The following CCSER1 variants were observed in gnomAD, a reference collection of about 807,000 sequenced individuals.
The protein encoded by CCSER1 is coiled-coil serine rich protein 1.
Under a neutral mutation model 82.0 loss-of-function variants are expected in CCSER1, and 41 were observed. That is an observed-to-expected ratio of 0.50 (90% CI 0.39 to 0.65). CCSER1 has a LOEUF of 0.65. CCSER1 is among the 30% of genes least tolerant of loss of function. CCSER1 has a pLI of 0.00. For synonymous variants in CCSER1, 414 were observed against 383.9 expected (o/e 1.08, Z -0.92); for missense variants, 1,119 against 1,064.2 (o/e 1.05, Z -0.72).
At chr4:91,027,585 A>G (rs1376033459) in intron 9 of CCSER1, among the ~76,000 whole-genome samples, 3 of 152,156 alleles carry the variant, frequency 2.0e-5, no homozygotes, top group African/African-American at 7.2e-5. Context: ...GCTACCTGTC[A>G]TTCTCACAGC....
intron 9 of CCSER1, among the ~76,000 whole-genome samples, chr4:90,931,069 T>G (rs1729746499): frequency 6.7e-6 from 1 of 149,600 alleles, no homozygotes; most frequent in African/African-American, 2.4e-5. Context: ...TCTTGGAATA[T>G]ATATTATATC....
At chr4:90,524,702 C>A (rs1773538742) in intron 5 of CCSER1, among the ~76,000 whole-genome samples, 1 of 152,114 alleles carries the variant, frequency 6.6e-6, no homozygotes. Flanking sequence ...CTGTTGACCT[C>A]ATGATCCGTC....
intron 10 of CCSER1, among the ~76,000 whole-genome samples, chr4:91,510,182 A>G (rs977426567): frequency 1.3e-5 from 2 of 152,164 alleles, no homozygotes; most frequent in African/African-American, 4.8e-5. Flanking sequence ...TGCAAAGGAT[A>G]CAATTTTGAT....
At chr4:91,060,691 C>A (rs1743880571) in intron 9 of CCSER1, among the ~76,000 whole-genome samples, 1 of 152,030 alleles carries the variant, frequency 6.6e-6, no homozygotes. Context: ...GTACCCAAAT[C>A]TGAATGCTAG....
intron 3 of CCSER1, among the ~76,000 whole-genome samples, chr4:90,357,792 A>G (rs976841097): frequency 5.9e-5 from 9 of 152,042 alleles, no homozygotes; most frequent in Admixed American, 5.9e-4. Context: ...ATGATTTAGA[A>G]GGTCAATTCT....
At chr4:90,895,655 GGTAGA>G (rs1723600302) in intron 8 of CCSER1, among the ~76,000 whole-genome samples, 1 of 151,736 alleles carries the variant, frequency 6.6e-6, no homozygotes, top group African/African-American at 2.4e-5. Flanking sequence ...AGTTGAAGAA[GGTAGA>G]GTAAACATAG....
At chr4:91,512,370 G>A (rs1428555262) in intron 10 of CCSER1, among the ~76,000 whole-genome samples, 2 of 152,196 alleles carry the variant, frequency 1.3e-5, no homozygotes, top group Admixed American at 1.3e-4. Context: ...TCTATCCTGG[G>A]ACATCAGACT....
chr4:90,938,764 G>A (rs748888431), intron 9 of CCSER1: 2 of 319,748 alleles, frequency 6.3e-6, no homozygotes. Flanking sequence ...AATAAGAAAT[G>A]CATCACTAAT....
chr4:90,160,914 A>T (rs952094457), intron 1 of CCSER1, among the ~76,000 whole-genome samples: 1 of 152,184 alleles, frequency 6.6e-6, no homozygotes, highest in Non-Finnish European at 1.5e-5. Context: ...CATCAGCATG[A>T]TTTTGTGTGA....
chr4:90,880,991 A>T (rs1011719767), intron 8 of CCSER1, among the ~76,000 whole-genome samples: 6 of 151,678 alleles, frequency 4.0e-5, no homozygotes, highest in African/African-American at 1.5e-4. Context: ...CCTCTCCGAG[A>T]GAGCCACGCA....
At chr4:91,132,973 C>T (rs915372832) in intron 10 of CCSER1, among the ~76,000 whole-genome samples, 2 of 152,050 alleles carry the variant, frequency 1.3e-5, no homozygotes, top group African/African-American at 4.8e-5. Flanking sequence ...GGGATATAAT[C>T]CTTGCTACTT....
rs1262312859 is a variant in CCSER1, at chr4:90,468,299, C to T, written c.1669C>T (p.Pro557Ser). The T allele has an allele frequency of 1.2e-6, 2 of 1,608,288 alleles. No individual in the cohort carries two copies. Among genetic ancestry groups the T allele is most frequent in the African/African-American group, 2.7e-5 (2 of 74,754 alleles). Residue 557 changes from proline (P) to serine (S), a missense_variant, in exon 5 of 11, where the codon CCA (proline) becomes TCA (serine). By Grantham distance (74) the Pro-to-Ser change is moderately conservative. Transcript: ENST00000509176. ...CAAVVLTPME[P>S]MIEMKKREEP... ...CGCAGTAGTTCTTACTCCTATGGAA[C>T]CAATGATAGAAATGAAGAAAAGAGA...
intron 10 of CCSER1, among the ~76,000 whole-genome samples, chr4:91,264,853 A>G (rs916737997): frequency 6.6e-6 from 1 of 151,972 alleles, no homozygotes; most frequent in African/African-American, 2.4e-5. Flanking sequence ...TAGGAGGGTA[A>G]ATCCCTGATT....
chr4:90,621,343 T>G (rs768566544), intron 5 of CCSER1, among the ~76,000 whole-genome samples: 9 of 152,240 alleles, frequency 5.9e-5, no homozygotes, highest in Middle Eastern at 6.8e-3. Flanking sequence ...AATTAAGAAG[T>G]TTTGTTTTTG....
In CCSER1 at chr4:91,300,986, A is replaced by G. The variant is rs1169997489; in HGVS notation, c.2217+214992A>G. On this transcript the variant is annotated intron_variant, in intron 10 of 10. Coordinates refer to ENST00000509176, the MANE Select transcript of CCSER1 (RefSeq NM_001145065.2). ...TACAGTTGCTACTCACTTTATCCTAAAAGGAAAGGAAGATTAAATTTAGCT... is the reference window on the plus strand; with the variant it reads ...TACAGTTGCTACTCACTTTATCCTAGAAGGAAAGGAAGATTAAATTTAGCT... Among the ~76,000 whole-genome samples the G allele has an allele frequency of 2.6e-5, 4 of 151,868 alleles. No homozygotes were observed. In the East Asian group the frequency reaches 7.8e-4, roughly 29 times the overall value.
chr4:91,235,108 C>T (rs1328473341), intron 10 of CCSER1, among the ~76,000 whole-genome samples: 1 of 152,004 alleles, frequency 6.6e-6, no homozygotes, highest in Non-Finnish European at 1.5e-5. Flanking sequence ...GCACTTAGAA[C>T]AATATATAGT....
At chr4:90,271,247 A>G (rs899212432) in intron 1 of CCSER1, among the ~76,000 whole-genome samples, 9 of 151,862 alleles carry the variant, frequency 5.9e-5, no homozygotes, top group African/African-American at 1.9e-4. Flanking sequence ...TATTATACAA[A>G]GCTATGGTAA....
chr4:91,128,958 T>C (rs1727751010), intron 10 of CCSER1, among the ~76,000 whole-genome samples: 1 of 152,090 alleles, frequency 6.6e-6, no homozygotes, highest in Non-Finnish European at 1.5e-5. Context: ...ACATCCATTA[T>C]CTCACGTAAC....
At chr4:90,811,995 C>CACACACACATATATATAT (rs367800484) in intron 7 of CCSER1, among the ~76,000 whole-genome samples, 5 of 142,772 alleles carry the variant, frequency 3.5e-5, no homozygotes, top group African/African-American at 7.8e-5. Flanking sequence ...TATATAAACA[C>CACACACACATATATATAT]ATATATATAT....
Sources: gnomAD v4.1 joint callset for allele counts (sites outside exome capture counted in the v4.1 genomes callset) on GRCh38, gnomAD v4.1.1 for gene constraint, MANE v1.5 for transcripts, NCBI Gene and HGNC (gene_info 2026-07-23, HGNC 2026-07-21) for gene names.